Variants in ARNT2 observed in about 807,000 individuals in gnomAD.
ARNT2 encodes the protein aryl hydrocarbon receptor nuclear translocator 2, also known as ARNT protein 2.
Under a neutral mutation model 91.7 loss-of-function variants are expected in ARNT2, and 36 were observed. The observed-to-expected ratio is 0.39, with a 90% CI of 0.30 to 0.52. ARNT2 has a LOEUF of 0.52. ARNT2 is among the 20% of genes least tolerant of loss of function. The pLI is 0.72. For synonymous variants in ARNT2, 365 were observed against 347.1 expected, an observed-to-expected ratio of 1.05 and a Z score of -0.57; for missense variants, 775 against 939.3, an observed-to-expected ratio of 0.83 and a Z score of 2.29.
intron 8 of ARNT2, among the ~76,000 whole-genome samples, chr15:80,542,575 A>G (rs1392548580): frequency 6.6e-6 from 1 of 152,216 alleles, no homozygotes; most frequent in Non-Finnish European, 1.5e-5. Flanking sequence ...AAATAGTTGC[A>G]GAGGAATCTA....
intron 4 of ARNT2, among the ~76,000 whole-genome samples, chr15:80,470,675 A>G (rs1896720307): frequency 6.6e-6 from 1 of 152,252 alleles, no homozygotes; most frequent in Non-Finnish European, 1.5e-5. Flanking sequence ...GAGCATTTGA[A>G]CATCGTGCTC....
chr15:80,467,156 C>T (rs1318373915), intron 3 of ARNT2, among the ~76,000 whole-genome samples: 6 of 88,688 alleles, frequency 6.8e-5, no homozygotes, highest in Admixed American at 5.1e-4. Flanking sequence ...TTTTGAGAAA[C>T]ATCAGTCTGG....
intron 8 of ARNT2, among the ~76,000 whole-genome samples, chr15:80,517,199 G>A (rs1897450422): frequency 6.6e-6 from 1 of 151,954 alleles, no homozygotes; most frequent in Non-Finnish European, 1.5e-5. Flanking sequence ...CACATTTGAA[G>A]GATTGAAATT....
In ARNT2 at chr15:80,404,530, G is replaced by A; in HGVS notation, c.15G>A (p.Ala5=). 2 of 1,218,756 alleles carry A rather than the reference G, an allele frequency of 1.6e-6. No homozygotes were observed. Among genetic ancestry groups the A allele is most frequent in the Non-Finnish European group, 2.1e-6 (2 of 960,412 alleles). 75.5% of individuals were successfully genotyped at this position (1,218,756 alleles called of 1,614,324 possible). A position where few individuals can be genotyped will look rare whatever the true frequency, so the allele number is the denominator to read the frequency against. ...CTCCGAGCAAGATGGCAACCCCGGC[G>A]GCGGTCAACCCTCCGGGTGAGTAGC... is the stretch of plus-strand genomic sequence containing the variant. MATP[A]AVNPPEMASD... is the part of the protein sequence containing the mutation. The change falls in exon 1 of 19, where the codon GCG becomes GCA. Residue 5 remains alanine, a synonymous_variant. Coordinates refer to ENST00000303329, the MANE Select transcript of ARNT2 (RefSeq NM_014862.4). The surrounding 1 kb of genome is among the most constrained non-coding windows in gnomAD (Gnocchi z 5.5).
At chr15:80,443,113 T>A (rs1407268489) in intron 1 of ARNT2, 1 of 805,564 alleles carries the variant, frequency 1.2e-6, no homozygotes, top group African/African-American at 1.9e-5. Flanking sequence ...GGAGTGATAT[T>A]TGAGCAAAAT....
At chr15:80,533,323 T>C (rs907167492) in intron 8 of ARNT2, among the ~76,000 whole-genome samples, 3 of 152,092 alleles carry the variant, frequency 2.0e-5, no homozygotes, top group African/African-American at 7.2e-5. Context: ...AGGACACTGA[T>C]GGCGGTGAGA....
At chr15:80,514,175 G>A (rs1046849813) in intron 7 of ARNT2, 145 bp from the exon 8 acceptor site, 41 of 984,828 alleles carry the variant, frequency 4.2e-5, no homozygotes, top group Non-Finnish European at 6.5e-5. Flanking sequence ...CATGTGGGAG[G>A]AAGGAACACA....
chr15:80,523,671 C>A (rs1897588978), intron 8 of ARNT2, among the ~76,000 whole-genome samples: 1 of 152,096 alleles, frequency 6.6e-6, no homozygotes, highest in African/African-American at 2.4e-5. Context: ...ATGGTAAATG[C>A]CTTGATCATG....
At chr15:80,559,171 G>A (rs747093316) in intron 11 of ARNT2, among the ~76,000 whole-genome samples, 1 of 151,982 alleles carries the variant, frequency 6.6e-6, no homozygotes, top group Non-Finnish European at 1.5e-5. Context: ...TGCTGACGCT[G>A]TCAGAACCGG....
At chr15:80,510,267 G>T (rs73496327) in intron 6 of ARNT2, among the ~76,000 whole-genome samples, 8 of 152,166 alleles carry the variant, frequency 5.3e-5, no homozygotes, top group African/African-American at 1.9e-4. Context: ...AAGGTTGTTG[G>T]GGGGAGCTGG....
At chr15:80,481,490 G>A (rs1896888255) in intron 5 of ARNT2, among the ~76,000 whole-genome samples, 1 of 152,160 alleles carries the variant, frequency 6.6e-6, no homozygotes, top group Non-Finnish European at 1.5e-5. Context: ...CAGGAGGACT[G>A]CTTGTGTCCA....
chr15:80,573,660 C>T (rs1898620691), intron 12 of ARNT2, among the ~76,000 whole-genome samples: 1 of 152,208 alleles, frequency 6.6e-6, no homozygotes, highest in African/African-American at 2.4e-5. Flanking sequence ...CTGTCATAGC[C>T]ATTTGCCAGT....
intron 8 of ARNT2, among the ~76,000 whole-genome samples, chr15:80,520,058 G>A (rs941760832): frequency 5.3e-5 from 8 of 151,080 alleles, no homozygotes; most frequent in Non-Finnish European, 4.4e-5. Context: ...ATGGAAGGCA[G>A]GTTTGCATGA....
intron 5 of ARNT2, among the ~76,000 whole-genome samples, chr15:80,481,917 G>T (rs535861786): frequency 1.6e-4 from 25 of 151,968 alleles, no homozygotes; most frequent in South Asian, 4.2e-4. Context: ...AATTTTTTTT[G>T]TAGAGACAAG....
At chr15:80,462,047 G>T (rs910194583) in intron 3 of ARNT2, among the ~76,000 whole-genome samples, 2 of 152,160 alleles carry the variant, frequency 1.3e-5, no homozygotes, top group Non-Finnish European at 2.9e-5. Context: ...GTCCCTCCCT[G>T]GTTCCTGTGC....
At chr15:80,490,774 A>G (rs1897045314) in intron 5 of ARNT2, among the ~76,000 whole-genome samples, 1 of 152,254 alleles carries the variant, frequency 6.6e-6, no homozygotes, top group South Asian at 2.1e-4. Context: ...TTATCAGCAC[A>G]AGTCACTGCA....
chr15:80,514,552 T>G lies in ARNT2; in HGVS notation c.877+147T>G, dbSNP rs529404333. 18 of 709,242 alleles carry G rather than the reference T, an allele frequency of 2.5e-5. No individual in the cohort carries two copies. The South Asian group carries it at 3.9e-4, about 15-fold the overall frequency. 43.9% of individuals were successfully genotyped at this position (709,242 alleles called of 1,614,324 possible). On this transcript the variant is annotated intron_variant, in intron 8 of 18. Transcript: ENST00000303329. ...GTTAGAACACAATGATCTTTGTAAT[T>G]GGAAAACATCCTGCTACTTGAAACA...
Position 80,404,404 on chromosome 15 carries a change from T to G in ARNT2, c.-112T>G. 1 of 605,796 alleles carries G rather than the reference T, an allele frequency of 1.7e-6. No homozygotes were observed. Among genetic ancestry groups the G allele is most frequent in the Non-Finnish European group, 2.1e-6 (1 of 475,616 alleles). 37.5% of individuals were successfully genotyped at this position (605,796 alleles called of 1,614,324 possible). A position where few individuals can be genotyped will look rare whatever the true frequency, so the allele number is the denominator to read the frequency against. On this transcript the variant is annotated 5_prime_UTR_variant, in exon 1 of 19. Transcript: ENST00000303329. The surrounding 1 kb of genome is among the most constrained non-coding windows in gnomAD (Gnocchi z 5.5). ...AGCGCCGCCCGCCCGCGCCGTCCTT[T>G]GTGTGGCGGCGGCGGCGCCTGGGCC...
At chr15:80,451,836 C>G (rs1365341292) in intron 2 of ARNT2, among the ~76,000 whole-genome samples, 3 of 152,218 alleles carry the variant, frequency 2.0e-5, no homozygotes, top group Non-Finnish European at 4.4e-5. Flanking sequence ...TATCACCTAG[C>G]CCCTTTCTCC....
Sources: allele counts gnomAD v4.1 joint callset (sites outside exome capture counted in the v4.1 genomes callset), GRCh38; gene constraint gnomAD v4.1.1; non-coding constraint Gnocchi (gnomAD v3.1); transcripts MANE v1.5; gene names NCBI Gene and HGNC (gene_info 2026-07-23, HGNC 2026-07-21).